The following CTTNBP2 variants were observed in gnomAD, a reference collection of about 807,000 sequenced individuals.
The protein encoded by CTTNBP2 is cortactin binding protein 2, also known as cortactin-binding protein 2.
CTTNBP2 carries 108 observed loss-of-function variants against 156.9 expected under a neutral mutation model. The observed-to-expected ratio is 0.69, with a 90% CI of 0.59 to 0.81. CTTNBP2 has a LOEUF of 0.81. Ranked by LOEUF, CTTNBP2 falls within the 30% of genes least tolerant of loss-of-function variation. The probability of loss-of-function intolerance (pLI) is 0.00; values close to 1 mark genes in which losing one functional copy is unlikely to be tolerated. For missense variants in CTTNBP2, 1,924 were observed against 2,035.4 expected, an observed-to-expected ratio of 0.95 and a Z score of 1.05; for synonymous variants, 767 against 751.8, an observed-to-expected ratio of 1.02 and a Z score of -0.33.
chr7:117,767,379 A>G (rs1797541826), intron 8 of CTTNBP2, among the ~76,000 whole-genome samples: 1 of 152,238 alleles, frequency 6.6e-6, no homozygotes, highest in Admixed American at 6.5e-5. Context: ...GCTTATTTAA[A>G]TGCAAATGAT....
intron 2 of CTTNBP2, among the ~76,000 whole-genome samples, chr7:117,819,411 ACACG>A (rs1442562477): frequency 1.3e-5 from 2 of 149,110 alleles, no homozygotes; most frequent in Non-Finnish European, 3.0e-5. Context: ...ACACACACAC[ACACG>A]GAATGGCTGG....
intron 6 of CTTNBP2, among the ~76,000 whole-genome samples, chr7:117,781,610 C>A (rs1049109896): frequency 6.6e-6 from 1 of 152,208 alleles, no homozygotes; most frequent in Non-Finnish European, 1.5e-5. Flanking sequence ...TGGTGGCGTA[C>A]ACCTGTAGTC....
chr7:117,835,697 G>A (rs963060559), intron 2 of CTTNBP2, among the ~76,000 whole-genome samples: 3 of 152,114 alleles, frequency 2.0e-5, no homozygotes, highest in East Asian at 1.9e-4. Flanking sequence ...TTTTCAACAC[G>A]CATTCGTCTT....
chr7:117,775,733 T>A (rs982187985), intron 8 of CTTNBP2, among the ~76,000 whole-genome samples: 1 of 152,132 alleles, frequency 6.6e-6, no homozygotes, highest in Non-Finnish European at 1.5e-5. Flanking sequence ...AAAAGATTCA[T>A]AGTCCTAGAT....
chr7:117,735,487 T>A, intron 14 of CTTNBP2, 66 bp from the exon 15 acceptor site: 2 of 1,373,800 alleles, frequency 1.5e-6, no homozygotes, highest in African/African-American at 1.5e-5. Context: ...TTGGCAAAAC[T>A]AAAAAAGTCT....
chr7:117,843,298 A>T (rs750700519), intron 2 of CTTNBP2, among the ~76,000 whole-genome samples: 14 of 152,156 alleles, frequency 9.2e-5, no homozygotes, highest in Non-Finnish European at 1.6e-4. Context: ...ACTGATGCTG[A>T]GGGATGACTA....
chr7:117,845,084 G>T (rs1802506605), intron 2 of CTTNBP2, among the ~76,000 whole-genome samples: 1 of 152,098 alleles, frequency 6.6e-6, no homozygotes, highest in Non-Finnish European at 1.5e-5. Context: ...TTTTCTCCAG[G>T]CTTGTGCAAG....
intron 2 of CTTNBP2, among the ~76,000 whole-genome samples, chr7:117,828,071 C>T (rs1228016203): frequency 1.3e-5 from 2 of 152,114 alleles, no homozygotes; most frequent in African/African-American, 2.4e-5. Context: ...TCACCATCTA[C>T]CAGCTGAAGA....
At chr7:117,735,760 C>A (rs1452678330) in intron 14 of CTTNBP2, among the ~76,000 whole-genome samples, 1 of 152,154 alleles carries the variant, frequency 6.6e-6, no homozygotes, top group African/African-American at 2.4e-5. Flanking sequence ...ATGGAAGACT[C>A]ACAAACAATA....
chr7:117,739,704 A>G (rs1391919079), intron 14 of CTTNBP2, among the ~76,000 whole-genome samples: 1 of 152,232 alleles, frequency 6.6e-6, no homozygotes, highest in Non-Finnish European at 1.5e-5. Context: ...CTTTCAGGAC[A>G]GAAAACAACC....
chr7:117,721,482 AAAG>A (rs1237315139), intron 19 of CTTNBP2, among the ~76,000 whole-genome samples: 2 of 152,238 alleles, frequency 1.3e-5, no homozygotes, highest in Non-Finnish European at 2.9e-5. Flanking sequence ...CAAAGGACCA[AAAG>A]AAGATTTTAA....
intron 8 of CTTNBP2, among the ~76,000 whole-genome samples, chr7:117,771,551 G>C (rs987113500): frequency 1.3e-5 from 2 of 152,210 alleles, no homozygotes; most frequent in Non-Finnish European, 2.9e-5. Flanking sequence ...ATGAGGATGT[G>C]TTTGGGAAGG....
chr7:117,798,734 G>A (rs2116901033), intron 3 of CTTNBP2, among the ~76,000 whole-genome samples: 1 of 152,036 alleles, frequency 6.6e-6, no homozygotes. Flanking sequence ...CAAAGAAATT[G>A]ATGAAACAGA....
At chr7:117,856,433 T>C (rs888443732) in intron 2 of CTTNBP2, among the ~76,000 whole-genome samples, 1 of 152,242 alleles carries the variant, frequency 6.6e-6, no homozygotes, top group Non-Finnish European at 1.5e-5. Flanking sequence ...CAGATTGTTA[T>C]GTGAGAGAAA....
chr7:117,857,754 G>A (rs1191844657), intron 2 of CTTNBP2, among the ~76,000 whole-genome samples: 1 of 151,612 alleles, frequency 6.6e-6, no homozygotes, highest in Non-Finnish European at 1.5e-5. Context: ...TACCGATTGA[G>A]GAAATTTTGA....
intron 17 of CTTNBP2, among the ~76,000 whole-genome samples, chr7:117,727,681 A>G (rs1019496390): frequency 2.6e-5 from 4 of 152,204 alleles, no homozygotes; most frequent in South Asian, 2.1e-4. Context: ...GTCTGTTCTC[A>G]TAAGATGCTT....
At chr7:117,780,357 A>T in intron 7 of CTTNBP2, 84 bp downstream of exon 7, 2 of 926,436 alleles carry the variant, frequency 2.2e-6, no homozygotes, top group Non-Finnish European at 3.1e-6. Context: ...CTCTATTTTA[A>T]TTTATTTTGT....
chr7:117,745,941 A>T lies in CTTNBP2; in HGVS notation c.3436-11T>A. On this transcript the variant is annotated splice_polypyrimidine_tract_variant and intron_variant, in intron 13 of 22. Transcript: ENST00000160373. ...AGCCATTTGTCTGTGCTGTGATAAG[A>T]AAATAGGGTGATTAGTTCTACGCAC... The T allele has an allele frequency of 1.2e-6, 2 of 1,613,470 alleles. No homozygotes were observed. The highest frequency in any genetic ancestry group is 2.2e-5 in the South Asian group (2 of 91,058).
At position 117,740,575 on chromosome 7, in the gene CTTNBP2, T is replaced by C. The variant is rs1584927669; in HGVS notation, c.3536-5154A>G. 2.6e-5 allele frequency among the ~76,000 whole-genome samples: 4 copies of C among 152,334 alleles called. No homozygotes were observed. In the South Asian group the frequency reaches 8.3e-4, roughly 32 times the overall value. On this transcript the variant is annotated intron_variant, in intron 14 of 22. Coordinates refer to ENST00000160373, the MANE Select transcript of CTTNBP2 (RefSeq NM_033427.3). ...TTCAGTTGTGGTACTTACTATTTGA[T>C]CACTTTAATTTCTTGGTAAAAAAAG... is the stretch of plus-strand genomic sequence containing the variant.
Sources: allele counts gnomAD v4.1 joint callset (sites outside exome capture counted in the v4.1 genomes callset), GRCh38; gene constraint gnomAD v4.1.1; transcripts MANE v1.5; gene names NCBI Gene and HGNC (gene_info 2026-07-23, HGNC 2026-07-21).